VWF: variants seen among roughly 807,000 people sequenced by gnomAD.
VWF encodes Factor VIII related antigen.
A neutral mutation model predicts 308.6 loss-of-function variants in VWF; 176 were observed. That is an observed-to-expected ratio of 0.57 (90% CI 0.50 to 0.65). VWF has a LOEUF of 0.65. Among genes scored for constraint, VWF ranks in the 30% least tolerant of loss-of-function variants. VWF has a pLI of 0.00. For synonymous variants in VWF, 1,385 were observed against 1,443.4 expected, an observed-to-expected ratio of 0.96 and a Z score of 0.92; for missense variants, 3,146 against 3,648.2, an observed-to-expected ratio of 0.86 and a Z score of 3.55.
chr12:5,977,700 T>C (rs1430571120), intron 42 of VWF, among the ~76,000 whole-genome samples: 2 of 151,832 alleles, frequency 1.3e-5, no homozygotes, highest in African/African-American at 4.8e-5. Flanking sequence ...TGAAACCTTG[T>C]CTCTACAAAA....
intron 5 of VWF, among the ~76,000 whole-genome samples, chr12:6,099,998 C>T (rs1945143758): frequency 6.6e-6 from 1 of 150,974 alleles, no homozygotes; most frequent in Admixed American, 6.6e-5. Flanking sequence ...ACTCATCTGA[C>T]AAAGGGCTAA....
intron 18 of VWF, among the ~76,000 whole-genome samples, chr12:6,041,868 A>C (rs185977206): frequency 3.8e-4 from 58 of 152,338 alleles, no homozygotes; most frequent in Admixed American, 1.2e-3. Context: ...TGGAAATCTA[A>C]GAAAAAGCAT....
In VWF at chr12:6,075,342, G is replaced by C. The variant is rs746977731; in HGVS notation, c.867C>G (p.Ser289Arg). Residue 289 changes from serine to arginine, a missense_variant, in exon 7 of 52, where the codon AGC becomes AGG. Ser to Arg is a moderately radical substitution (Grantham distance 110, BLOSUM62 -1). Transcript: ENST00000261405. The surrounding 1 kb of genome is among the most constrained non-coding windows in gnomAD (Gnocchi z 4.7). ...GMVLYGWTDH[S>R]ACSPVCPAGM... is the part of the protein sequence containing the mutation. ...GGCAGGGGGCCGACTTACTGCACGCGCTGTGGTCGGTCCAGCCGTACAGCA... is the reference window on the plus strand; with the variant it reads ...GGCAGGGGGCCGACTTACTGCACGCCCTGTGGTCGGTCCAGCCGTACAGCA... The C allele has an allele frequency of 6.8e-6, 11 of 1,613,812 alleles. No individual in the cohort carries two copies. Among genetic ancestry groups the C allele is most frequent in the Non-Finnish European group, 8.5e-6 (10 of 1,180,012 alleles).
chr12:6,081,921 T>C (rs1944916026), intron 6 of VWF, among the ~76,000 whole-genome samples: 1 of 152,112 alleles, frequency 6.6e-6, no homozygotes, highest in South Asian at 2.1e-4. Context: ...ATTTTTCCCC[T>C]AAATTATTTT....
intron 39 of VWF, 60 bp from the exon 40 acceptor site, chr12:5,985,179 G>A: frequency 2.6e-6 from 4 of 1,543,800 alleles, no homozygotes; most frequent in Non-Finnish European, 3.6e-6. Flanking sequence ...GCCTCAGAGG[G>A]ATTTGAAATG....
rs762092475 is a variant in VWF at position 6,029,508 on chromosome 12, G to C, written c.2821-20C>G. The C allele has an allele frequency of 1.2e-6, 2 of 1,613,816 alleles. No individual in the cohort carries two copies. Among genetic ancestry groups the C allele is most frequent in the East Asian group, 4.5e-5 (2 of 44,884 alleles). ...ATTCACCTGGAGGAAGACAAAGCAAGAAATCCAGGAGGATGAAGGGCAGGC... is the reference window on the plus strand; with the variant it reads ...ATTCACCTGGAGGAAGACAAAGCAACAAATCCAGGAGGATGAAGGGCAGGC... On this transcript the variant is annotated intron_variant, in intron 21 of 51. Transcript: ENST00000261405.
intron 11 of VWF, 91 bp downstream of exon 11, chr12:6,065,046 C>A (rs1944696352): frequency 1.9e-6 from 3 of 1,580,690 alleles, no homozygotes; most frequent in Admixed American, 1.7e-5. Context: ...AAAGCAATGC[C>A]CCACGCCTTC....
Position 6,018,349 on chromosome 12 carries a change from C to G in VWF, c.5053+16G>C. ...CTCGCCCAGCCCTCCCACCTGCACA[C>G]AAGGTGCCAGCATACCAGGTGCAGG... On this transcript the variant is annotated intron_variant, in intron 28 of 51. Transcript: ENST00000261405. 6.2e-7 allele frequency: 1 copy of G among 1,605,936 alleles called. No homozygotes were observed. Among genetic ancestry groups the G allele is most frequent in the Non-Finnish European group, 8.5e-7 (1 of 1,177,872 alleles).
At chr12:6,095,019 C>T (rs1420230513) in intron 6 of VWF, among the ~76,000 whole-genome samples, 6 of 150,628 alleles carry the variant, frequency 4.0e-5, no homozygotes, top group African/African-American at 1.2e-4. Context: ...CAGATGGTTT[C>T]GATCTCCTGA....
Position 5,981,862 on chromosome 12 carries a change from C to T in VWF, c.7211G>A (p.Ser2404Asn), listed in dbSNP as rs767130840. Reference sequence around the variant, plus strand: ...TGAGGCCAAGTACCCAAGGGGACAGCTCACTGTGGAGTTGACACAGTTGCA... The same window carrying T: ...TGAGGCCAAGTACCCAAGGGGACAGTTCACTGTGGAGTTGACACAGTTGCA... ...CACNCVNSTV[S>N]CPLGYLASTA... is the part of the protein sequence containing the mutation. Residue 2404 changes from serine to asparagine, a missense_variant, in exon 42 of 52, where the codon AGC becomes AAC. Around this residue, in one of 3 missense-constraint regions of VWF, gnomAD observed 989 missense variants for 1,117.4 expected, o/e 0.89. Transcript: ENST00000261405. 3 of 1,613,846 alleles carry T rather than the reference C, an allele frequency of 1.9e-6. No homozygotes were observed. The highest frequency in any genetic ancestry group is 3.3e-5 in the Admixed American group (2 of 59,982).
chr12:6,059,111 G>A (rs1000122849), intron 13 of VWF, among the ~76,000 whole-genome samples: 11 of 152,120 alleles, frequency 7.2e-5, no homozygotes, highest in African/African-American at 2.4e-4. Flanking sequence ...CATAGAAATC[G>A]AACCCAAGTA....
intron 38 of VWF, 141 bp from the exon 39 acceptor site, chr12:5,985,806 A>G (rs1943674159): frequency 1.3e-6 from 1 of 797,318 alleles, no homozygotes; most frequent in Non-Finnish European, 2.1e-6. Context: ...GGCAAACAAA[A>G]GCAGGCTGAA....
At chr12:5,964,731 G>A (rs547291750) in intron 47 of VWF, among the ~76,000 whole-genome samples, 1 of 152,342 alleles carries the variant, frequency 6.6e-6, no homozygotes, top group Admixed American at 6.5e-5. Flanking sequence ...AGAAGGAAAA[G>A]CCAGTGAGGA....
At chr12:6,017,612 G>A (rs1944077525) in intron 28 of VWF, among the ~76,000 whole-genome samples, 1 of 152,146 alleles carries the variant, frequency 6.6e-6, no homozygotes, top group Non-Finnish European at 1.5e-5. Context: ...ACAGCAGTGG[G>A]AGCAAGCATT....
At chr12:5,992,811 C>T (rs1219211444) in intron 37 of VWF, among the ~76,000 whole-genome samples, 1 of 152,196 alleles carries the variant, frequency 6.6e-6, no homozygotes. Context: ...AAAGATTTCC[C>T]TCTGTGTGCA....
At chr12:6,117,062 C>T (rs958524230) in intron 3 of VWF, among the ~76,000 whole-genome samples, 3 of 152,124 alleles carry the variant, frequency 2.0e-5, no homozygotes, top group African/African-American at 7.2e-5. Context: ...GCCACCACCA[C>T]CAACAAGAGG....
In VWF at chr12:6,020,699, C is replaced by T. The variant is rs192436102; in HGVS notation, c.3675-956G>A. On this transcript the variant is annotated intron_variant, in intron 27 of 51. Transcript: ENST00000261405. The surrounding 1 kb of genome is among the most constrained non-coding windows in gnomAD (Gnocchi z 4.3). ...CTCTTTGGACTCTCAGCCTTGGAGG[C>T]ACCTGGCCTTCAGCACTCCCAGTAA... Among the ~76,000 whole-genome samples, 113 of 152,376 alleles carry T rather than the reference C, an allele frequency of 7.4e-4. No homozygotes were observed. Among genetic ancestry groups the T allele is most frequent in the South Asian group, 1.0e-3 (5 of 4,834 alleles).
intron 6 of VWF, among the ~76,000 whole-genome samples, chr12:6,090,507 C>A (rs1202260226): frequency 6.6e-6 from 1 of 152,178 alleles, no homozygotes; most frequent in Non-Finnish European, 1.5e-5. Context: ...CCGGCGTGTG[C>A]TTGTCCTGCT....
chr12:6,113,877 A>G (rs1410166977), intron 3 of VWF, among the ~76,000 whole-genome samples: 1 of 152,174 alleles, frequency 6.6e-6, no homozygotes, highest in Non-Finnish European at 1.5e-5. Context: ...GAGTGAGCCC[A>G]TGTGACAGGG....
Sources: allele counts gnomAD v4.1 joint callset (sites outside exome capture counted in the v4.1 genomes callset), GRCh38; gene constraint gnomAD v4.1.1; regional missense constraint gnomAD v4.1.1; non-coding constraint Gnocchi (gnomAD v3.1); transcripts MANE v1.5; gene names NCBI Gene and HGNC (gene_info 2026-07-23, HGNC 2026-07-21).